The following SHC3 variants were observed in gnomAD, a reference collection of about 807,000 sequenced individuals.
SHC3 encodes SHC-transforming protein 3.
A neutral mutation model predicts 60.4 loss-of-function variants in SHC3; 15 were observed. That is an observed-to-expected ratio of 0.25 (90% confidence interval 0.17 to 0.38). The LOEUF is 0.38. Ranked by LOEUF, SHC3 falls within the 10% of genes least tolerant of loss-of-function variation. SHC3 has a pLI of 1.00. For synonymous variants in SHC3, 294 were observed against 325.9 expected, an observed-to-expected ratio of 0.90 and a Z score of 1.05; for missense variants, 677 against 786.1, an observed-to-expected ratio of 0.86 and a Z score of 1.66.
rs1433409901 is a variant in SHC3 at position 89,099,278 on chromosome 9, A to G, written c.545+13278T>C. 3.3e-5 allele frequency among the ~76,000 whole-genome samples: 5 copies of G among 152,278 alleles called. No individual in the cohort carries two copies. In the East Asian group the frequency reaches 5.8e-4, roughly 18 times the overall value. The stretch of plus-strand genomic sequence containing the variant: ...CTCTTTTAGACTTGCTAATGCATCA[A>G]TTTTTATTCTATATCACTCTTTTGT... On this transcript the variant is annotated intron_variant, in intron 2 of 11. Coordinates refer to ENST00000375835, the MANE Select transcript of SHC3 (RefSeq NM_016848.6).
intron 11 of SHC3, among the ~76,000 whole-genome samples, chr9:89,021,643 T>C (rs553814921): frequency 6.6e-6 from 1 of 152,298 alleles, no homozygotes; most frequent in South Asian, 2.1e-4. Flanking sequence ...CCTTGGGCCA[T>C]CCCAGGTGAG....
intron 5 of SHC3, 142 bp downstream of exon 5, chr9:89,071,054 ATCT>A (rs1587709827): frequency 1.5e-6 from 1 of 649,648 alleles, no homozygotes; most frequent in East Asian, 2.9e-5. Flanking sequence ...GGCCAAGAAG[ATCT>A]TCTATGGAAA....
chr9:89,177,362 C>G (rs1826955621), intron 1 of SHC3, among the ~76,000 whole-genome samples: 2 of 152,162 alleles, frequency 1.3e-5, no homozygotes, highest in African/African-American at 4.8e-5. Flanking sequence ...AAAAATAGTC[C>G]CAGAATTCTC....
At chr9:89,037,535 G>A (rs1564090391) in intron 11 of SHC3, 5 of 717,080 alleles carry the variant, frequency 7.0e-6, no homozygotes, top group South Asian at 4.4e-5. Context: ...CTCTAAACGG[G>A]AAAACAAGAG....
chr9:89,124,308 T>C (rs758830152), intron 1 of SHC3, among the ~76,000 whole-genome samples: 14 of 152,180 alleles, frequency 9.2e-5, no homozygotes, highest in Non-Finnish European at 2.1e-4. Context: ...GAACCAGAAA[T>C]ACCATTTGAC....
chr9:89,134,846 A>T lies in SHC3; in HGVS notation c.475-22220T>A, dbSNP rs577662854. ...ATCAAGCAGAACAGAAATTAACTGC[A>T]TGGGCTGAACTAATAGAAGACTGAA... On this transcript the variant is annotated intron_variant, in intron 1 of 11. Coordinates refer to ENST00000375835, the MANE Select transcript of SHC3 (RefSeq NM_016848.6). Among the ~76,000 whole-genome samples, 8 of 152,250 alleles carry T rather than the reference A, an allele frequency of 5.3e-5. 1 individual carries two copies. Among genetic ancestry groups the T allele is most frequent in the Middle Eastern group, 6.8e-3 (2 of 294 alleles).
intron 7 of SHC3, 68 bp from the exon 8 acceptor site, chr9:89,047,062 A>G: frequency 6.9e-7 from 1 of 1,455,436 alleles, no homozygotes; most frequent in South Asian, 1.6e-5. Flanking sequence ...AACAAATCTA[A>G]TGTTAGCGCC....
At chr9:89,126,085 G>A (rs1826160371) in intron 1 of SHC3, among the ~76,000 whole-genome samples, 1 of 152,170 alleles carries the variant, frequency 6.6e-6, no homozygotes, top group African/African-American at 2.4e-5. Context: ...AACCATGGAA[G>A]AGACTATACT....
chr9:89,158,831 C>T (rs1207441568), intron 1 of SHC3, among the ~76,000 whole-genome samples: 1 of 152,170 alleles, frequency 6.6e-6, no homozygotes, highest in Non-Finnish European at 1.5e-5. Context: ...TAGTACTATT[C>T]CATAGTGTAA....
intron 1 of SHC3, among the ~76,000 whole-genome samples, chr9:89,172,855 T>C (rs1311420733): frequency 6.6e-6 from 1 of 152,242 alleles, no homozygotes; most frequent in African/African-American, 2.4e-5. Context: ...ATGCTGGCTC[T>C]TCCTTGTTGC....
At chr9:89,127,033 C>A (rs1027299699) in intron 1 of SHC3, among the ~76,000 whole-genome samples, 3 of 152,124 alleles carry the variant, frequency 2.0e-5, no homozygotes, top group African/African-American at 7.2e-5. Flanking sequence ...CAGTTAAAAG[C>A]CTTTGCAAGC....
intron 7 of SHC3, 129 bp downstream of exon 7, chr9:89,051,908 T>C: frequency 7.5e-7 from 1 of 1,337,806 alleles, no homozygotes; most frequent in Non-Finnish European, 1.0e-6. Flanking sequence ...ACCGACCAGG[T>C]GTCTCTGAGC....
At chr9:89,094,613 T>G (rs1181814607) in intron 2 of SHC3, among the ~76,000 whole-genome samples, 1 of 152,174 alleles carries the variant, frequency 6.6e-6, no homozygotes, top group Non-Finnish European at 1.5e-5. Flanking sequence ...TAGGGATCAT[T>G]ATGATTTCCT....
intron 6 of SHC3, among the ~76,000 whole-genome samples, chr9:89,060,446 A>C (rs1825067814): frequency 6.6e-6 from 1 of 151,968 alleles, no homozygotes; most frequent in Non-Finnish European, 1.5e-5. Flanking sequence ...TAGAGGCGGC[A>C]CTGGAGAAGA....
At chr9:89,042,326 G>T in intron 9 of SHC3, 142 bp from the exon 10 acceptor site, 2 of 890,280 alleles carry the variant, frequency 2.2e-6, no homozygotes, top group Non-Finnish European at 3.2e-6. Flanking sequence ...CCTCTTCTGA[G>T]CTTGTCACCA....
chr9:89,108,190 T>C (rs1004421474), intron 2 of SHC3, among the ~76,000 whole-genome samples: 1 of 152,134 alleles, frequency 6.6e-6, no homozygotes, highest in African/African-American at 2.4e-5. Flanking sequence ...GTTCACACAA[T>C]GACAAAATTG....
chr9:89,117,874 G>A (rs1826039622), intron 1 of SHC3, among the ~76,000 whole-genome samples: 1 of 152,030 alleles, frequency 6.6e-6, no homozygotes, highest in African/African-American at 2.4e-5. Flanking sequence ...CTGCCAGATG[G>A]ACTGTCACTC....
At chr9:89,156,034 T>A (rs1255785970) in intron 1 of SHC3, among the ~76,000 whole-genome samples, 1 of 152,184 alleles carries the variant, frequency 6.6e-6, no homozygotes, top group East Asian at 1.9e-4. Context: ...ATTTGTGCCC[T>A]TATAGAGTGC....
chr9:89,161,381 TC>T (rs1826703886), intron 1 of SHC3, among the ~76,000 whole-genome samples: 1 of 152,190 alleles, frequency 6.6e-6, no homozygotes, highest in Non-Finnish European at 1.5e-5. Context: ...CTGTGAAGTC[TC>T]CCCAGAAGCT....
Sources: allele counts gnomAD v4.1 joint callset (sites outside exome capture counted in the v4.1 genomes callset), GRCh38; gene constraint gnomAD v4.1.1; transcripts MANE v1.5; gene names NCBI Gene and HGNC (gene_info 2026-07-23, HGNC 2026-07-21).